KANK1: variants seen among roughly 807,000 people sequenced by gnomAD.
The protein encoded by KANK1 is KN motif and ankyrin repeat domain-containing protein 1.
In KANK1, 109 loss-of-function variants were observed where a neutral mutation model predicts 106.2. The observed-to-expected ratio is 1.03, with a 90% CI of 0.88 to 1.20. The LOEUF is 1.20. KANK1 is among the 50% of genes most tolerant of loss of function. The pLI is 0.00. For synonymous variants in KANK1, 873 were observed against 652.2 expected (o/e 1.34, Z -5.16); for missense variants, 2,399 against 1,710.7 (o/e 1.40, Z -7.10).
intron 1 of KANK1, among the ~76,000 whole-genome samples, chr9:580,812 G>A (rs1237487140): frequency 2.6e-5 from 4 of 152,226 alleles, no homozygotes; most frequent in East Asian, 1.9e-4. Context: ...TGGGCGCCGC[G>A]GAGCAGGGGG....
intron 3 of KANK1, among the ~76,000 whole-genome samples, chr9:483,110 A>G (rs536042043): frequency 1.3e-5 from 2 of 152,342 alleles, no homozygotes; most frequent in South Asian, 2.1e-4. Flanking sequence ...TTATTATATT[A>G]TAAGTTGTTA....
chr9:538,186 A>G (rs2060403609), intron 1 of KANK1, among the ~76,000 whole-genome samples: 1 of 152,130 alleles, frequency 6.6e-6, no homozygotes, highest in Non-Finnish European at 1.5e-5. Flanking sequence ...TGTAAAAAAA[A>G]AAAAGTTAAT....
intron 7 of KANK1, among the ~76,000 whole-genome samples, chr9:737,123 C>G (rs564801819): frequency 1.3e-5 from 2 of 152,272 alleles, no homozygotes; most frequent in South Asian, 4.1e-4. Flanking sequence ...CATGTCAGGA[C>G]ACCAGTTATT....
chr9:662,769 C>T (rs1043219953), intron 1 of KANK1, among the ~76,000 whole-genome samples: 16 of 150,740 alleles, frequency 1.1e-4, no homozygotes, highest in Admixed American at 8.7e-4. Context: ...TGAAGTGATT[C>T]TCCTGCCTCA....
intron 7 of KANK1, among the ~76,000 whole-genome samples, chr9:736,745 T>C (rs760351306): frequency 4.6e-5 from 7 of 152,074 alleles, no homozygotes; most frequent in Non-Finnish European, 8.8e-5. Context: ...AACTACATAT[T>C]GAAATTCTTG....
Position 741,084 on chromosome 9 carries a change from C to T in KANK1, c.3696+150C>T, listed in dbSNP as rs7048053. On this transcript the variant is annotated intron_variant, in intron 9 of 11. Coordinates refer to ENST00000382297, the MANE Select transcript of KANK1 (RefSeq NM_015158.5). The stretch of plus-strand genomic sequence containing the variant: ...TGCCCTGAGTCCATACACTGCCTGG[C>T]ACTCCTTGCTGACCAAACATACCAG... The T allele has an allele frequency of 0.24, 186,570 of 784,038 alleles. 27,562 individuals are homozygous for T. Among genetic ancestry groups the T allele is most frequent in the African/African-American group, 0.6 (33,604 of 56,458 alleles). 48.6% of individuals were successfully genotyped at this position (784,038 alleles called of 1,614,324 possible).
intron 1 of KANK1, among the ~76,000 whole-genome samples, chr9:637,915 T>G (rs1189320724): frequency 6.6e-6 from 1 of 152,182 alleles, no homozygotes; most frequent in African/African-American, 2.4e-5. Flanking sequence ...AGTGGTTCAA[T>G]GAAACCATCA....
chr9:475,148 GGCT>G (rs761659545), intron 3 of KANK1, among the ~76,000 whole-genome samples: 2 of 152,136 alleles, frequency 1.3e-5, no homozygotes, highest in Non-Finnish European at 2.9e-5. Flanking sequence ...TGGGCAGGTG[GGCT>G]CAAGCATGTG....
chr9:584,348 C>T (rs1344027594), intron 1 of KANK1, among the ~76,000 whole-genome samples: 5 of 152,070 alleles, frequency 3.3e-5, no homozygotes, highest in African/African-American at 9.7e-5. Flanking sequence ...AAGTGGAAGG[C>T]GGTTCAACAA....
intron 1 of KANK1, among the ~76,000 whole-genome samples, chr9:517,567 G>A (rs758283978): frequency 2.0e-5 from 3 of 151,482 alleles, no homozygotes; most frequent in Non-Finnish European, 4.4e-5. Context: ...TTCCTTTAGT[G>A]AAATCCTATG....
chr9:704,924 T>C (rs575154998), intron 2 of KANK1, among the ~76,000 whole-genome samples: 208 of 131,040 alleles, frequency 1.6e-3, no homozygotes, highest in Non-Finnish European at 2.4e-3. Flanking sequence ...GCCCAGGAGA[T>C]AGAGACTATA....
chr9:574,403 T>C (rs544206012), intron 1 of KANK1, among the ~76,000 whole-genome samples: 24 of 137,506 alleles, frequency 1.7e-4, no homozygotes, highest in African/African-American at 8.3e-4. Context: ...TTTTCCACCT[T>C]AAATTGAAGT....
Position 711,250 on chromosome 9 carries a change from C to T in KANK1, c.484C>T (p.Arg162Trp), listed in dbSNP as rs754058814. The T allele has an allele frequency of 7.4e-6, 12 of 1,614,112 alleles. No individual in the cohort carries two copies. The highest frequency in any genetic ancestry group is 2.2e-5 in the South Asian group (2 of 91,074). ...LHVTKTLMET[R>W]RRLEQERATM... ...TGTCACCAAGACACTGATGGAGACC[C>T]GGAGAAGACTGGAACAGGAGAGAGC... is the stretch of plus-strand genomic sequence containing the variant. Residue 162 changes from arginine (R) to tryptophan (W), a missense_variant, in exon 3 of 12, where the codon CGG (arginine) becomes TGG (tryptophan). Transcript: ENST00000382297.
chr9:492,382 T>C (rs998716565), intron 3 of KANK1: 1 of 152,202 alleles, frequency 6.6e-6, no homozygotes, highest in Non-Finnish European at 1.5e-5. Flanking sequence ...CTTACGTGGA[T>C]AGCTCTGGGT....
chr9:742,402 C>T lies in KANK1; in HGVS notation c.3894C>T (p.Asp1298=), dbSNP rs1835867704. The T allele has an allele frequency of 6.2e-7, 1 of 1,610,846 alleles. No homozygotes were observed. ...CCGGCTGCAACGGTCACCTAGAGGACAACGTAAGCTGTCTCCATTGGGCCT... is the reference window on the plus strand; with the variant it reads ...CCGGCTGCAACGGTCACCTAGAGGATAACGTAAGCTGTCTCCATTGGGCCT... The part of the protein sequence containing the change: ...AQPGCNGHLE[D]NDGSTALSIA... The change falls in exon 10 of 12, where the codon GAC becomes GAT. Residue 1298 remains aspartate, a synonymous_variant. Transcript: ENST00000382297.
At chr9:591,143 A>T (rs1563821281) in intron 1 of KANK1, among the ~76,000 whole-genome samples, 1 of 151,784 alleles carries the variant, frequency 6.6e-6, no homozygotes, top group East Asian at 1.9e-4. Context: ...TTTGTTACTG[A>T]CTTGCAGCAA....
rs1826543734 is a variant in KANK1 at position 712,803 on chromosome 9, G to T, written c.2037G>T (p.Gln679His). The stretch of plus-strand genomic sequence containing the variant: ...AGGACACTAGCACAGATTTGGAACA[G>T]GTGCACCAGTTCACCAACACCGAGA... ...ADQDTSTDLE[Q>H]VHQFTNTETA... Residue 679 changes from glutamine (Q) to histidine (H), a missense_variant, in exon 3 of 12, where the codon CAG becomes CAT. Transcript: ENST00000382297. The T allele has an allele frequency of 1.9e-6, 3 of 1,613,644 alleles. No homozygotes were observed. Among genetic ancestry groups the T allele is most frequent in the Non-Finnish European group, 2.5e-6 (3 of 1,179,906 alleles).
intron 1 of KANK1, among the ~76,000 whole-genome samples, chr9:630,500 G>C (rs1835427977): frequency 1.3e-5 from 2 of 152,042 alleles, no homozygotes; most frequent in African/African-American, 4.8e-5. Flanking sequence ...GCAGTGAGCT[G>C]AGATCCCGCC....
intron 1 of KANK1, among the ~76,000 whole-genome samples, chr9:620,414 T>G (rs929243403): frequency 3.3e-5 from 5 of 152,108 alleles, no homozygotes; most frequent in African/African-American, 1.2e-4. Context: ...AATTTTTTTT[T>G]TTGGAACGGA....
Sources: gnomAD v4.1 joint callset for allele counts (sites outside exome capture counted in the v4.1 genomes callset) on GRCh38, gnomAD v4.1.1 for gene constraint, MANE v1.5 for transcripts, NCBI Gene and HGNC (gene_info 2026-07-23, HGNC 2026-07-21) for gene names.